The following SYNPR variants were observed in gnomAD, a reference collection of about 807,000 sequenced individuals.
The protein encoded by SYNPR is synaptoporin.
SYNPR carries 23 observed loss-of-function variants against 32.9 expected under a neutral mutation model. The ratio of observed to expected loss-of-function variants is 0.70; its 90% CI spans 0.50 to 0.99. The LOEUF (loss-of-function observed/expected upper bound fraction) is 0.99. Among genes scored for constraint, SYNPR ranks in the 50% least tolerant of loss-of-function variants. The pLI is 0.00. For synonymous variants in SYNPR, 146 were observed against 135.9 expected (o/e 1.07, Z -0.52); for missense variants, 318 against 349.3 (o/e 0.91, Z 0.71).
At chr3:63,380,858 C>T (rs1047926148) in intron 2 of SYNPR, among the ~76,000 whole-genome samples, 9 of 152,182 alleles carry the variant, frequency 5.9e-5, no homozygotes, top group African/African-American at 2.2e-4. Flanking sequence ...AACAGCCCTT[C>T]ATGCTAAAAA....
At chr3:63,435,089 G>A (rs1017687233) in intron 2 of SYNPR, among the ~76,000 whole-genome samples, 8 of 152,160 alleles carry the variant, frequency 5.3e-5, no homozygotes, top group Non-Finnish European at 8.8e-5. Flanking sequence ...TGTCAGGAAG[G>A]AAATGCCCAT....
At chr3:63,597,446 C>T (rs758753827) in intron 4 of SYNPR, among the ~76,000 whole-genome samples, 7 of 152,136 alleles carry the variant, frequency 4.6e-5, no homozygotes, top group Non-Finnish European at 8.8e-5. Flanking sequence ...GACGAAAAAA[C>T]ATGAAAAGAT....
At chr3:63,389,675 C>T (rs2088106323) in intron 2 of SYNPR, among the ~76,000 whole-genome samples, 1 of 152,162 alleles carries the variant, frequency 6.6e-6, no homozygotes, top group Admixed American at 6.5e-5. Context: ...AGGGGTGATT[C>T]CCGAGGGAAA....
At chr3:63,362,900 A>C (rs958030313) in intron 2 of SYNPR, among the ~76,000 whole-genome samples, 1 of 152,168 alleles carries the variant, frequency 6.6e-6, no homozygotes, top group Non-Finnish European at 1.5e-5. Flanking sequence ...TAATAAGAAA[A>C]AATTTCATGG....
At chr3:63,586,710 T>C (rs1703191243) in intron 4 of SYNPR, among the ~76,000 whole-genome samples, 1 of 149,768 alleles carries the variant, frequency 6.7e-6, no homozygotes, top group African/African-American at 2.4e-5. Context: ...AAGTATAATA[T>C]ATATATACTA....
intron 1 of SYNPR, among the ~76,000 whole-genome samples, chr3:63,234,153 A>G (rs772748956): frequency 4.6e-5 from 7 of 152,176 alleles, no homozygotes; most frequent in Non-Finnish European, 7.3e-5. Flanking sequence ...GGTGGAAGGC[A>G]AGGAGGAGCA....
At chr3:63,535,755 G>A (rs1025303020) in intron 3 of SYNPR, among the ~76,000 whole-genome samples, 10 of 151,366 alleles carry the variant, frequency 6.6e-5, no homozygotes, top group African/African-American at 1.5e-4. Flanking sequence ...TGAAGTTGGC[G>A]CCCTACCTCA....
chr3:63,413,354 A>C (rs915593112), intron 2 of SYNPR, among the ~76,000 whole-genome samples: 2 of 152,204 alleles, frequency 1.3e-5, no homozygotes, highest in African/African-American at 4.8e-5. Flanking sequence ...CTACAGGCTA[A>C]CAGGCCAATG....
At chr3:63,239,623 G>A (rs2086225779) in intron 1 of SYNPR, among the ~76,000 whole-genome samples, 1 of 150,616 alleles carries the variant, frequency 6.6e-6, no homozygotes, top group South Asian at 2.1e-4. Context: ...TCATTGTCAA[G>A]TGTATCACAC....
chr3:63,577,179 G>A (rs1009525117), intron 4 of SYNPR, among the ~76,000 whole-genome samples: 7 of 152,208 alleles, frequency 4.6e-5, no homozygotes, highest in Non-Finnish European at 1.0e-4. Flanking sequence ...GAACCAGGGA[G>A]CAGCATGTGG....
chr3:63,410,740 C>G (rs939680993), intron 2 of SYNPR, among the ~76,000 whole-genome samples: 3 of 152,162 alleles, frequency 2.0e-5, no homozygotes, highest in Non-Finnish European at 2.9e-5. Flanking sequence ...GGTTCACCCC[C>G]ACTAGACTTC....
chr3:63,523,150 G>A (rs1701945477), intron 3 of SYNPR, among the ~76,000 whole-genome samples: 1 of 152,084 alleles, frequency 6.6e-6, no homozygotes, highest in Admixed American at 6.5e-5. Context: ...GTGACGGTGG[G>A]GCGGTGCTGC....
intron 2 of SYNPR, among the ~76,000 whole-genome samples, chr3:63,461,531 T>C (rs920755863): frequency 6.6e-6 from 1 of 152,106 alleles, no homozygotes; most frequent in African/African-American, 2.4e-5. Context: ...CCACTGGTTC[T>C]GTTAGGGATT....
intron 2 of SYNPR, among the ~76,000 whole-genome samples, chr3:63,309,958 C>G (rs1164815160): frequency 6.6e-6 from 1 of 151,878 alleles, no homozygotes; most frequent in Non-Finnish European, 1.5e-5. Flanking sequence ...ACGGTATTTG[C>G]ATGACAACAG....
At chr3:63,535,435 C>A (rs946080029) in intron 3 of SYNPR, among the ~76,000 whole-genome samples, 1 of 151,956 alleles carries the variant, frequency 6.6e-6, no homozygotes, top group African/African-American at 2.4e-5. Context: ...GGACTACATA[C>A]AGAAGAAAAA....
chr3:63,423,627 T>C (rs1699838083), intron 2 of SYNPR: 1 of 152,252 alleles, frequency 6.6e-6, no homozygotes, highest in Non-Finnish European at 1.5e-5. Context: ...GGCGGTCATA[T>C]TGCAGCAGGT....
intron 2 of SYNPR, among the ~76,000 whole-genome samples, chr3:63,352,923 G>C (rs1025942708): frequency 2.0e-5 from 3 of 152,104 alleles, no homozygotes; most frequent in African/African-American, 7.2e-5. Flanking sequence ...CTCCCACCGG[G>C]TCCCTCCCAT....
At chr3:63,222,422 A>T in the SYNPR span, among the ~76,000 whole-genome samples, 1 of 152,130 alleles carries the variant, frequency 6.6e-6, no homozygotes, top group Non-Finnish European at 1.5e-5. Context: ...TACTTCCTTG[A>T]TTTCTCACTC....
At chr3:63,512,182 G>A (rs547370804) in intron 3 of SYNPR, among the ~76,000 whole-genome samples, 31 of 152,162 alleles carry the variant, frequency 2.0e-4, no homozygotes, top group African/African-American at 7.2e-4. Flanking sequence ...AAGAATGGCT[G>A]GATACACAGG....
Sources: gnomAD v4.1 joint callset for allele counts (sites outside exome capture counted in the v4.1 genomes callset) on GRCh38, gnomAD v4.1.1 for gene constraint, MANE v1.5 for transcripts, NCBI Gene and HGNC (gene_info 2026-07-23, HGNC 2026-07-21) for gene names.